Variants in TMEM170B observed in about 807,000 individuals in gnomAD.
TMEM170B encodes the protein transmembrane protein 170B.
In TMEM170B, 6 loss-of-function variants were observed where a neutral mutation model predicts 13.0. The ratio of observed to expected loss-of-function variants is 0.46; its 90% confidence interval spans 0.25 to 0.91. The LOEUF (loss-of-function observed/expected upper bound fraction) is 0.91. Among genes scored for constraint, TMEM170B ranks in the 40% least tolerant of loss-of-function variants. The pLI is 0.17. For missense variants in TMEM170B, 138 were observed against 165.2 expected, an observed-to-expected ratio of 0.84 and a Z score of 0.90; for synonymous variants, 61 against 64.9, an observed-to-expected ratio of 0.94 and a Z score of 0.29.
chr6:11,552,941 G>A (rs1435418661), intron 1 of TMEM170B, among the ~76,000 whole-genome samples: 1 of 152,170 alleles, frequency 6.6e-6, no homozygotes, highest in Non-Finnish European at 1.5e-5. Context: ...TCAGTAAGGG[G>A]TGGTCTGATA....
At chr6:11,562,430 A>G (rs187789202) in intron 1 of TMEM170B, among the ~76,000 whole-genome samples, 16 of 150,390 alleles carry the variant, frequency 1.1e-4, no homozygotes, top group Non-Finnish European at 1.9e-4. Flanking sequence ...AGAAGCATGC[A>G]TGGTAGTTTA....
At chr6:11,558,247 A>G (rs1054859524) in intron 1 of TMEM170B, among the ~76,000 whole-genome samples, 2 of 152,084 alleles carry the variant, frequency 1.3e-5, no homozygotes, top group Non-Finnish European at 2.9e-5. Context: ...TCTTCATTCT[A>G]TATGGTCTAT....
intron 1 of TMEM170B, 122 bp from the exon 2 acceptor site, chr6:11,565,544 T>G: frequency 1.0e-6 from 1 of 956,758 alleles, no homozygotes; most frequent in Non-Finnish European, 1.6e-6. Flanking sequence ...AGGCACTGTG[T>G]GAAGCATTTT....
chr6:11,552,829 A>G (rs1759542513), intron 1 of TMEM170B, among the ~76,000 whole-genome samples: 1 of 152,180 alleles, frequency 6.6e-6, no homozygotes, highest in South Asian at 2.1e-4. Context: ...ATGGTATAGT[A>G]TGACTGGTAG....
chr6:11,561,226 T>A (rs528440160), intron 1 of TMEM170B, among the ~76,000 whole-genome samples: 205 of 152,366 alleles, frequency 1.3e-3, no homozygotes, highest in African/African-American at 4.8e-3. Flanking sequence ...ATTACATTTT[T>A]AAAATGTTTG....
chr6:11,552,081 G>T (rs2113768026), intron 1 of TMEM170B, among the ~76,000 whole-genome samples: 2 of 152,298 alleles, frequency 1.3e-5, no homozygotes. Flanking sequence ...GTGGAATTAG[G>T]ATCTTAGAAC....
intron 1 of TMEM170B, among the ~76,000 whole-genome samples, chr6:11,542,363 T>C (rs1172818270): frequency 1.3e-5 from 2 of 152,174 alleles, no homozygotes; most frequent in Non-Finnish European, 2.9e-5. Flanking sequence ...AGTCAACCAT[T>C]AAGCTGATAA....
intron 1 of TMEM170B, among the ~76,000 whole-genome samples, chr6:11,539,229 G>A (rs1322486753): frequency 9.2e-5 from 14 of 152,102 alleles, no homozygotes; most frequent in Admixed American, 7.9e-4. Flanking sequence ...ATTATTCTCT[G>A]AAGTAGAATT....
At chr6:11,543,456 T>C (rs960046424) in intron 1 of TMEM170B, among the ~76,000 whole-genome samples, 25 of 152,348 alleles carry the variant, frequency 1.6e-4, no homozygotes, top group Admixed American at 1.2e-3. Flanking sequence ...GTGTTGGGTA[T>C]AATGCTTTCA....
chr6:11,567,489 T>C (rs1368089457), intron 2 of TMEM170B, among the ~76,000 whole-genome samples: 1 of 152,206 alleles, frequency 6.6e-6, no homozygotes. Context: ...TCCAGAGTGA[T>C]TGACATCCTT....
Position 11,538,237 on chromosome 6 carries a change from C to T in TMEM170B, c.-41C>T. 1 of 1,174,874 alleles carries T rather than the reference C, an allele frequency of 8.5e-7. No individual in the cohort carries two copies. Among genetic ancestry groups the T allele is most frequent in the South Asian group, 3.3e-5 (1 of 29,962 alleles). 72.8% of individuals were successfully genotyped at this position (1,174,874 alleles called of 1,614,324 possible). A position where few individuals can be genotyped will look rare whatever the true frequency, so the allele number is the denominator to read the frequency against. On this transcript the variant is annotated 5_prime_UTR_variant, in exon 1 of 3. Coordinates refer to ENST00000379426, the MANE Select transcript of TMEM170B (RefSeq NM_001100829.3). ...CGAGCCTCGCAGCCGCCGCCGCCGC[C>T]CGGCACCCGAGGAGAGGGCGGCGGG...
intron 1 of TMEM170B, among the ~76,000 whole-genome samples, chr6:11,553,284 A>G (rs1343501070): frequency 1.3e-5 from 2 of 152,192 alleles, no homozygotes; most frequent in Non-Finnish European, 2.9e-5. Context: ...TGCACTGCAA[A>G]CCTGCATTGT....
chr6:11,564,402 T>C (rs1759708791), intron 1 of TMEM170B, among the ~76,000 whole-genome samples: 1 of 152,234 alleles, frequency 6.6e-6, no homozygotes, highest in East Asian at 1.9e-4. Flanking sequence ...TTTTGATTCA[T>C]CCATTTTAAT....
At chr6:11,546,887 T>A (rs955431060) in intron 1 of TMEM170B, among the ~76,000 whole-genome samples, 3 of 152,190 alleles carry the variant, frequency 2.0e-5, no homozygotes, top group Non-Finnish European at 4.4e-5. Context: ...TGTACTATGT[T>A]TTTTCCTACA....
chr6:11,562,343 C>T (rs1465897524), intron 1 of TMEM170B, among the ~76,000 whole-genome samples: 4 of 150,398 alleles, frequency 2.7e-5, no homozygotes. Flanking sequence ...TCCCTGAATG[C>T]TGGAAGAGAA....
chr6:11,569,130 T>C (rs185892332), intron 2 of TMEM170B, among the ~76,000 whole-genome samples: 24 of 152,240 alleles, frequency 1.6e-4, no homozygotes, highest in African/African-American at 4.8e-4. Context: ...CTTTAAATTC[T>C]GTGGTTTTCT....
At chr6:11,573,557 C>T (rs576195256) in intron 2 of TMEM170B, among the ~76,000 whole-genome samples, 1 of 152,166 alleles carries the variant, frequency 6.6e-6, no homozygotes, top group Non-Finnish European at 1.5e-5. Context: ...AACACAGTTG[C>T]TAAGTAGTGG....
Position 11,583,510 on chromosome 6 carries a change from TC to T in TMEM170B, c.*7950del, listed in dbSNP as rs958404173. The T allele has an allele frequency of 6.6e-6, 1 of 152,228 alleles. No homozygotes were observed. Among genetic ancestry groups the T allele is most frequent in the African/African-American group, 2.4e-5 (1 of 41,460 alleles). The allele number at this position is 152,228 out of a possible 1,614,324, so 9.4% of individuals were successfully genotyped here. ...ATGCACTTATATATAAATAAACCTG[TC>T]TTTGAAAGCTTTATGGGGTGTTTGA... is the stretch of plus-strand genomic sequence containing the variant. On this transcript the variant is annotated 3_prime_UTR_variant, in exon 3 of 3. Coordinates refer to ENST00000379426, the MANE Select transcript of TMEM170B (RefSeq NM_001100829.3).
At position 11,578,608 on chromosome 6, in the gene TMEM170B, G is replaced by A. The variant is rs892934658; in HGVS notation, c.*3047G>A. 6.6e-6 allele frequency: 1 copy of A among 152,132 alleles called. No homozygotes were observed. Among genetic ancestry groups the A allele is most frequent in the African/African-American group, 2.4e-5 (1 of 41,434 alleles). 9.4% of individuals were successfully genotyped at this position (152,132 alleles called of 1,614,324 possible). ...ATAGCCTACCTTGCCTAGGATAAGT[G>A]AAGTCCTAAATGATGGCTATCTTCA... is the stretch of plus-strand genomic sequence containing the variant. On this transcript the variant is annotated 3_prime_UTR_variant, in exon 3 of 3. Coordinates refer to ENST00000379426, the MANE Select transcript of TMEM170B (RefSeq NM_001100829.3).
Sources: gnomAD v4.1 joint callset for allele counts (sites outside exome capture counted in the v4.1 genomes callset) on GRCh38, gnomAD v4.1.1 for gene constraint, MANE v1.5 for transcripts, NCBI Gene and HGNC (gene_info 2026-07-23, HGNC 2026-07-21) for gene names.